Variants in MCTS2 observed in about 807,000 individuals in gnomAD.
The protein encoded by MCTS2 is malignant T-cell-amplified sequence 2.
At chr20:31,547,611 T>G in the MCTS2 span, 6 of 1,575,124 alleles carry the variant, frequency 3.8e-6, no homozygotes, top group Non-Finnish European at 5.2e-6. Flanking sequence ...TTCCAGGTAT[T>G]GAACCATGGC....
chr20:31,547,697 G>A, the MCTS2 span: 3 of 1,350,264 alleles, frequency 2.2e-6, no homozygotes, highest in Non-Finnish European at 3.1e-6. Flanking sequence ...CTTACCGTAA[G>A]TGGGGAATTA....
chr20:31,547,890 T>C, the MCTS2 span: 1 of 1,044,902 alleles, frequency 9.6e-7, no homozygotes, highest in East Asian at 2.4e-5. Flanking sequence ...CTGCAGTAGA[T>C]ACGATTGTAG....
chr20:31,548,058 A>G, the MCTS2 span: 1 of 1,541,190 alleles, frequency 6.5e-7, no homozygotes, highest in South Asian at 1.1e-5. Flanking sequence ...GAGCCTCAGA[A>G]GGAATGCATT....
chr20:31,547,894 A>G, the MCTS2 span: 1 of 1,063,702 alleles, frequency 9.4e-7, no homozygotes, highest in Non-Finnish European at 1.5e-6. Context: ...AGTAGATACG[A>G]TTGTAGCAGT....
chr20:31,547,955 C>T, the MCTS2 span: 1 of 1,474,616 alleles, frequency 6.8e-7, no homozygotes. Flanking sequence ...ATGAAGATGT[C>T]TGCAGAAGAT....
chr20:31,547,930 C>A, the MCTS2 span: 1 of 1,279,980 alleles, frequency 7.8e-7, no homozygotes, highest in Non-Finnish European at 1.1e-6. Flanking sequence ...ACAGCATGCT[C>A]TGTGTGTTGG....
chr20:31,547,861 G>A, the MCTS2 span: 1 of 970,394 alleles, frequency 1.0e-6, no homozygotes, highest in South Asian at 1.3e-5. Flanking sequence ...AACTTCTCCT[G>A]GAGCTAAGCT....
chr20:31,547,974 A>T, the MCTS2 span: 1 of 1,564,088 alleles, frequency 6.4e-7, no homozygotes, highest in African/African-American at 1.4e-5. Context: ...ATATTGAGAA[A>T]GTCAACAAAG....
chr20:31,547,888 G>C, the MCTS2 span: 1 of 1,036,370 alleles, frequency 9.6e-7, no homozygotes, highest in Non-Finnish European at 1.5e-6. Flanking sequence ...TGCTGCAGTA[G>C]ATACGATTGT....
the MCTS2 span, chr20:31,547,455 C>A: frequency 1.6e-4 from 95 of 581,688 alleles, no homozygotes; most frequent in Non-Finnish European, 2.7e-4. Flanking sequence ...CCACCGGAGC[C>A]TTGCCAATTC....
the MCTS2 span, chr20:31,548,066 AT>A: frequency 6.7e-7 from 1 of 1,482,224 alleles, no homozygotes; most frequent in Non-Finnish European, 9.4e-7. Context: ...GAAGGAATGC[AT>A]TTGGGGGGCT....
the MCTS2 span, chr20:31,548,078 A>G: frequency 1.5e-6 from 2 of 1,359,914 alleles, no homozygotes; most frequent in Non-Finnish European, 2.1e-6. Context: ...TTGGGGGGCT[A>G]AATGTGGATA....
the MCTS2 span, chr20:31,547,835 T>C: frequency 8.6e-6 from 8 of 933,142 alleles, no homozygotes; most frequent in South Asian, 1.3e-5. Flanking sequence ...GGCGCAAATA[T>C]TATGTGTCCA....
chr20:31,548,076 C>A, the MCTS2 span: 2 of 1,396,318 alleles, frequency 1.4e-6, no homozygotes, highest in Non-Finnish European at 2.0e-6. Flanking sequence ...ATTTGGGGGG[C>A]TAAATGTGGA....
At chr20:31,547,747 C>G in the MCTS2 span, 3 of 1,018,550 alleles carry the variant, frequency 2.9e-6, no homozygotes, top group Non-Finnish European at 3.0e-6. Flanking sequence ...TTGTCCAACT[C>G]TAAGGTTGCT....
At chr20:31,547,682 A>T in the MCTS2 span, 1 of 1,430,954 alleles carries the variant, frequency 7.0e-7, no homozygotes, top group Non-Finnish European at 9.7e-7. Flanking sequence ...GAACATACAG[A>T]AATCCTTACC....
chr20:31,547,672 G>A, the MCTS2 span: 15 of 1,479,594 alleles, frequency 1.0e-5, no homozygotes, highest in African/African-American at 1.4e-5. Context: ...CCGATGCCAC[G>A]AACATACAGA....
the MCTS2 span, chr20:31,547,969 G>A: frequency 2.6e-6 from 4 of 1,551,612 alleles, no homozygotes; most frequent in South Asian, 3.3e-5. Context: ...AGAAGATATT[G>A]AGAAAGTCAA....
the MCTS2 span, chr20:31,548,028 G>A: frequency 1.3e-6 from 2 of 1,589,428 alleles, no homozygotes. Context: ...ATGGGCTGTG[G>A]CACATGAAGA....
Sources: gnomAD v4.1 joint callset for allele counts on GRCh38, gnomAD v4.1.1 for gene constraint, MANE v1.5 for transcripts, NCBI Gene and HGNC (gene_info 2026-07-23, HGNC 2026-07-21) for gene names.